CNTNAP2: variants seen among roughly 807,000 people sequenced by gnomAD.
CNTNAP2 encodes contactin-associated protein-like 2.
A neutral mutation model predicts 155.2 loss-of-function variants in CNTNAP2; 98 were observed. That is an observed-to-expected ratio of 0.63 (90% CI 0.54 to 0.75). CNTNAP2 has a LOEUF of 0.75. Ranked by LOEUF, CNTNAP2 falls within the 30% of genes least tolerant of loss-of-function variation. CNTNAP2 has a pLI of 0.00. For missense variants in CNTNAP2, 1,727 were observed against 1,688.1 expected (o/e 1.02, Z -0.40); for synonymous variants, 651 against 631.2 (o/e 1.03, Z -0.47).
At chr7:147,604,095 G>A (rs1319436365) in intron 12 of CNTNAP2, among the ~76,000 whole-genome samples, 6 of 152,126 alleles carry the variant, frequency 3.9e-5, no homozygotes, top group Non-Finnish European at 8.8e-5. Context: ...AGACTTAAAC[G>A]TTAGACCTAA....
chr7:148,057,728 A>G (rs955075276), intron 15 of CNTNAP2, among the ~76,000 whole-genome samples: 2 of 152,148 alleles, frequency 1.3e-5, no homozygotes, highest in African/African-American at 4.8e-5. Flanking sequence ...TAACCATTGT[A>G]TTTCTGCAGT....
At chr7:146,545,658 G>A (rs954038445) in intron 1 of CNTNAP2, among the ~76,000 whole-genome samples, 5 of 151,662 alleles carry the variant, frequency 3.3e-5, no homozygotes, top group African/African-American at 7.3e-5. Flanking sequence ...ATGTCCCTGT[G>A]ATCATTAAAA....
At chr7:147,572,701 AACACACACACAC>A (rs55950116) in intron 12 of CNTNAP2, among the ~76,000 whole-genome samples, 66,142 of 148,994 alleles carry the variant, frequency 0.44, 14,625 homozygotes, top group East Asian at 0.61. Context: ...CAGGATGGGA[AACACACACACAC>A]ACACACACAC....
chr7:147,592,478 G>GTTTTT (rs34713058), intron 12 of CNTNAP2, among the ~76,000 whole-genome samples: 1 of 143,938 alleles, frequency 6.9e-6, no homozygotes, highest in East Asian at 2.0e-4. Context: ...GTTGTTTCTG[G>GTTTTT]TTTTTTTTTT....
In CNTNAP2 at chr7:146,827,457, C is replaced by T. The variant is rs576322657; in HGVS notation, c.209-12254C>T. The stretch of plus-strand genomic sequence containing the variant: ...ATATACTTACTTTCTGCATCTTCAC[C>T]GAGTAATATTCCTTGTGATCTGCGT... On this transcript the variant is annotated intron_variant, in intron 2 of 23. Transcript: ENST00000361727. 3.8e-4 allele frequency among the ~76,000 whole-genome samples: 57 copies of T among 150,974 alleles called. No homozygotes were observed. In the East Asian group the frequency reaches 6.6e-3, roughly 18 times the overall value.
chr7:147,466,168 G>T (rs1412594375), intron 10 of CNTNAP2, among the ~76,000 whole-genome samples: 2 of 152,140 alleles, frequency 1.3e-5, no homozygotes, highest in Non-Finnish European at 2.9e-5. Flanking sequence ...CTAGAAACAT[G>T]ATTGAAGGAA....
chr7:146,878,648 T>G (rs1472951278), intron 3 of CNTNAP2, among the ~76,000 whole-genome samples: 1 of 152,146 alleles, frequency 6.6e-6, no homozygotes, highest in Non-Finnish European at 1.5e-5. Context: ...CTTCATAAAT[T>G]GACAGCGCCT....
chr7:146,207,637 G>GTTTTTTTTTTTT (rs57881187), intron 1 of CNTNAP2, among the ~76,000 whole-genome samples: 26 of 122,366 alleles, frequency 2.1e-4, no homozygotes, highest in Non-Finnish European at 3.2e-4. Flanking sequence ...ACAGGACTGT[G>GTTTTTTTTTTTT]TTTTTTTTTT....
At chr7:146,191,609 A>T (rs757054615) in intron 1 of CNTNAP2, among the ~76,000 whole-genome samples, 5 of 152,112 alleles carry the variant, frequency 3.3e-5, no homozygotes, top group Non-Finnish European at 5.9e-5. Flanking sequence ...CAACCGTATC[A>T]ACCGTATAAG....
intron 20 of CNTNAP2, among the ~76,000 whole-genome samples, chr7:148,251,912 C>T (rs957394704): frequency 2.6e-5 from 4 of 152,342 alleles, no homozygotes; most frequent in African/African-American, 4.8e-5. Flanking sequence ...AGCCCCAGTT[C>T]CATATACGTA....
chr7:147,284,486 T>C (rs1805132753), intron 8 of CNTNAP2, among the ~76,000 whole-genome samples: 1 of 151,886 alleles, frequency 6.6e-6, no homozygotes, highest in African/African-American at 2.4e-5. Flanking sequence ...ACCTGACTTA[T>C]GCACATGATG....
chr7:147,197,019 A>G (rs558118473), intron 8 of CNTNAP2, among the ~76,000 whole-genome samples: 1 of 152,250 alleles, frequency 6.6e-6, no homozygotes, highest in Non-Finnish European at 1.5e-5. Context: ...AACTTTCCAC[A>G]CCTAAGTAAC....
intron 9 of CNTNAP2, among the ~76,000 whole-genome samples, chr7:147,307,479 G>A (rs550228680): frequency 6.6e-6 from 1 of 152,212 alleles, no homozygotes; most frequent in Non-Finnish European, 1.5e-5. Flanking sequence ...AGCTACTTGG[G>A]AGGCTGAGGC....
At chr7:148,227,977 A>ATC (rs1460232380) in intron 19 of CNTNAP2, among the ~76,000 whole-genome samples, 1 of 150,656 alleles carries the variant, frequency 6.6e-6, no homozygotes, top group Non-Finnish European at 1.5e-5. Context: ...TAGAAAAATT[A>ATC]TCTTTGGGTG....
At chr7:147,734,484 T>A (rs1464373012) in intron 13 of CNTNAP2, among the ~76,000 whole-genome samples, 1 of 152,154 alleles carries the variant, frequency 6.6e-6, no homozygotes, top group Non-Finnish European at 1.5e-5. Context: ...TCTCTTTTTT[T>A]GTTGTGTCTC....
chr7:147,770,713 C>T (rs189841588), intron 13 of CNTNAP2, among the ~76,000 whole-genome samples: 23 of 151,960 alleles, frequency 1.5e-4, no homozygotes, highest in Admixed American at 1.0e-3. Context: ...TATAAAAGAT[C>T]GAAATAAATA....
At chr7:147,392,556 G>A (rs1796737764) in intron 9 of CNTNAP2, among the ~76,000 whole-genome samples, 1 of 151,848 alleles carries the variant, frequency 6.6e-6, no homozygotes, top group African/African-American at 2.4e-5. Flanking sequence ...TCATTTTTAT[G>A]CCTTTGCATT....
chr7:147,863,391 C>T (rs1433172554), intron 13 of CNTNAP2, among the ~76,000 whole-genome samples: 2 of 152,234 alleles, frequency 1.3e-5, no homozygotes, highest in East Asian at 1.9e-4. Context: ...AATAAACATA[C>T]GTGTGCATGT....
chr7:147,508,166 G>T (rs950957900), intron 11 of CNTNAP2, among the ~76,000 whole-genome samples: 1 of 152,170 alleles, frequency 6.6e-6, no homozygotes, highest in Admixed American at 6.5e-5. Context: ...TAGTAGAAAT[G>T]TAATAAATTA....
Sources: gnomAD v4.1 joint callset for allele counts (sites outside exome capture counted in the v4.1 genomes callset) on GRCh38, gnomAD v4.1.1 for gene constraint, MANE v1.5 for transcripts, NCBI Gene and HGNC (gene_info 2026-07-23, HGNC 2026-07-21) for gene names.